The following SLC16A14 variants were observed in gnomAD, a reference collection of about 807,000 sequenced individuals.
SLC16A14 encodes the protein solute carrier family 16 member 14, also known as monocarboxylate transporter 14.
Under a neutral mutation model 35.8 loss-of-function variants are expected in SLC16A14, and 14 were observed. That is an observed-to-expected ratio of 0.39 (90% CI 0.26 to 0.61). The LOEUF is 0.61. Among genes scored for constraint, SLC16A14 ranks in the 20% least tolerant of loss-of-function variants. The pLI, the probability that SLC16A14 is intolerant of heterozygous loss-of-function variation, is 0.51. For missense variants in SLC16A14, 533 were observed against 655.0 expected, an observed-to-expected ratio of 0.81 and a Z score of 2.03; for synonymous variants, 248 against 258.9, an observed-to-expected ratio of 0.96 and a Z score of 0.40.
At chr2:230,066,802 T>A in intron 1 of SLC16A14, 1 of 282,682 alleles carries the variant, frequency 3.5e-6, no homozygotes, top group Non-Finnish European at 7.0e-6. Flanking sequence ...ATCTTTAGTA[T>A]CTTTAGTAGA....
At chr2:230,042,832 C>A (rs987608483) in intron 4 of SLC16A14, among the ~76,000 whole-genome samples, 2 of 152,240 alleles carry the variant, frequency 1.3e-5, no homozygotes, top group African/African-American at 4.8e-5. Flanking sequence ...TGGAATTTTG[C>A]TGGGACTGAG....
chr2:230,046,129 G>A lies in SLC16A14; in HGVS notation c.997C>T (p.Pro333Ser), dbSNP rs2077604350. ...ACGATTTCTGGGAGGTGAATGAAGGGGATGACAAAGCTGCTGTATGCAAAC... is the reference window on the plus strand; with the variant it reads ...ACGATTTCTGGGAGGTGAATGAAGGAGATGACAAAGCTGCTGTATGCAAAC... ...ALFAYSSFVI[P>S]FIHLPEIVNL... The change falls in exon 4 of 5, where the codon CCC becomes TCC. Residue 333 changes from proline to serine, a missense_variant. Coordinates refer to ENST00000295190, the MANE Select transcript of SLC16A14 (RefSeq NM_152527.5). This position sits in a 1 kb window ranked among gnomAD's most constrained non-coding sequence, Gnocchi z 5.0. 1 of 1,613,882 alleles carries A rather than the reference G, an allele frequency of 6.2e-7. No individual in the cohort carries two copies. Among genetic ancestry groups the A allele is most frequent in the Non-Finnish European group, 8.5e-7 (1 of 1,179,782 alleles).
intron 3 of SLC16A14, among the ~76,000 whole-genome samples, chr2:230,048,731 C>G (rs959204454): frequency 2.6e-5 from 4 of 151,926 alleles, no homozygotes; most frequent in African/African-American, 9.7e-5. Context: ...CGAGACCAGC[C>G]TGACCAACAT....
rs1402100181 is a variant in SLC16A14, at chr2:230,036,440, T to C, written c.*940A>G. On this transcript the variant is annotated 3_prime_UTR_variant, in exon 5 of 5. Coordinates refer to ENST00000295190, the MANE Select transcript of SLC16A14 (RefSeq NM_152527.5). The stretch of plus-strand genomic sequence containing the variant: ...TTATTATCCTCACAAATTGATAGTG[T>C]TATACTTTGGATTAGCAACATTCCT... 6.6e-6 allele frequency: 1 copy of C among 152,336 alleles called. No homozygotes were observed. The highest frequency in any genetic ancestry group is 1.9e-4 in the East Asian group (1 of 5,192). 9.4% of individuals were successfully genotyped at this position (152,336 alleles called of 1,614,324 possible). A position where few individuals can be genotyped will look rare whatever the true frequency, so the allele number is the denominator to read the frequency against.
chr2:230,041,148 G>A lies in SLC16A14; in HGVS notation c.1382-3617C>T, dbSNP rs147295402. Among the ~76,000 whole-genome samples the A allele has an allele frequency of 6.8e-3, 1,040 of 152,108 alleles. 5 individuals carry two copies. Among genetic ancestry groups the A allele is most frequent in the Non-Finnish European group, 0.011 (770 of 67,998 alleles). ...GTCAAATAAGTAATAGATGTTTTTC[G>A]TATTAATTAAATAAAGGCTCCCAGC... On this transcript the variant is annotated intron_variant, in intron 4 of 4. Transcript: ENST00000295190.
At chr2:230,057,997 C>G (rs1202857168) in intron 2 of SLC16A14, among the ~76,000 whole-genome samples, 5 of 150,964 alleles carry the variant, frequency 3.3e-5, no homozygotes. Context: ...CCACTGTGCT[C>G]CAGCCTGGGA....
intron 2 of SLC16A14, among the ~76,000 whole-genome samples, chr2:230,051,563 C>G (rs2077660050): frequency 6.6e-6 from 1 of 152,122 alleles, no homozygotes; most frequent in African/African-American, 2.4e-5. Flanking sequence ...ATCAATGATT[C>G]CTTGTTTAAA....
At chr2:230,053,143 A>T (rs892754761) in intron 2 of SLC16A14, among the ~76,000 whole-genome samples, 1 of 152,068 alleles carries the variant, frequency 6.6e-6, no homozygotes, top group Non-Finnish European at 1.5e-5. Context: ...GGGTTTCACC[A>T]TGTTGGCTAG....
intron 4 of SLC16A14, among the ~76,000 whole-genome samples, chr2:230,041,201 G>T (rs1389286118): frequency 1.3e-5 from 2 of 152,186 alleles, no homozygotes; most frequent in Admixed American, 6.5e-5. Flanking sequence ...GCAAATTATT[G>T]TTAAGGTGTT....
chr2:230,047,558 G>A (rs6722416), intron 3 of SLC16A14, among the ~76,000 whole-genome samples: 30,604 of 152,072 alleles, frequency 0.2, 3,520 homozygotes, highest in Non-Finnish European at 0.25. Flanking sequence ...ACCTGCTTTG[G>A]CCTCTCAAAG....
chr2:230,049,632 T>G, intron 3 of SLC16A14, 129 bp downstream of exon 3: 1 of 916,722 alleles, frequency 1.1e-6, no homozygotes, highest in Non-Finnish European at 1.7e-6. Context: ...AGGGAGGGGT[T>G]GGGGTGAAGT....
chr2:230,048,794 A>T (rs1489913425), intron 3 of SLC16A14, among the ~76,000 whole-genome samples: 1 of 151,732 alleles, frequency 6.6e-6, no homozygotes, highest in East Asian at 1.9e-4. Context: ...ATGGTGGTGC[A>T]TGCCTGTAAT....
In SLC16A14 at chr2:230,045,515, G is replaced by A. The variant is rs573561265; in HGVS notation, c.1381+230C>T. 49 of 491,138 alleles carry A rather than the reference G, an allele frequency of 1.0e-4. 1 individual carries two copies. The highest frequency in any genetic ancestry group is 9.9e-4 in the South Asian group (39 of 39,576). The allele number at this position is 491,138 out of a possible 1,614,324, so 30.4% of individuals were successfully genotyped here. On this transcript the variant is annotated intron_variant, in intron 4 of 4. Transcript: ENST00000295190. Reference sequence around the variant, plus strand: ...GTAGAGGTTGCAGTGAGCTGAGAGCGCACCACTGCACTCCAGCTGGGGCGA... The same window carrying A: ...GTAGAGGTTGCAGTGAGCTGAGAGCACACCACTGCACTCCAGCTGGGGCGA...
chr2:230,067,467 C>T (rs902745352), intron 1 of SLC16A14, among the ~76,000 whole-genome samples: 2 of 151,882 alleles, frequency 1.3e-5, no homozygotes, highest in African/African-American at 4.8e-5. Context: ...AAATCGGAAC[C>T]CAGGCCTGCA....
chr2:230,065,881 G>C (rs923555310), intron 1 of SLC16A14, among the ~76,000 whole-genome samples: 1 of 151,966 alleles, frequency 6.6e-6, no homozygotes, highest in Non-Finnish European at 1.5e-5. Context: ...GTACCCCTAG[G>C]CTCCATGTCT....
intron 4 of SLC16A14, among the ~76,000 whole-genome samples, chr2:230,042,142 T>C (rs1360603710): frequency 6.6e-6 from 1 of 152,258 alleles, no homozygotes; most frequent in Non-Finnish European, 1.5e-5. Context: ...TAGCAGCATA[T>C]GATACGCATC....
chr2:230,047,603 C>G (rs2077620581), intron 3 of SLC16A14, among the ~76,000 whole-genome samples: 1 of 152,164 alleles, frequency 6.6e-6, no homozygotes, highest in African/African-American at 2.4e-5. Flanking sequence ...CTGCTCCTGG[C>G]CAACATCTGA....
At position 230,038,044 on chromosome 2, in the gene SLC16A14, C is replaced by T. The variant is rs995793260; in HGVS notation, c.1382-513G>A. Among the ~76,000 whole-genome samples, 1 of 152,206 alleles carries T rather than the reference C, an allele frequency of 6.6e-6. No individual in the cohort carries two copies. The highest frequency in any genetic ancestry group is 2.4e-5 in the African/African-American group (1 of 41,456). ...TCATTCTGAAGTATTTGAGGGTACA[C>T]ATTTGTTCTAGAAAGAATCAAAATC... is the stretch of plus-strand genomic sequence containing the variant. On this transcript the variant is annotated intron_variant, in intron 4 of 4. Coordinates refer to ENST00000295190, the MANE Select transcript of SLC16A14 (RefSeq NM_152527.5). This position sits in a 1 kb window ranked among gnomAD's most constrained non-coding sequence, Gnocchi z 4.4.
rs796870433 is a variant in SLC16A14 at position 230,067,555 on chromosome 2, T to C, written c.-15+1000A>G. On this transcript the variant is annotated intron_variant, in intron 1 of 4. Coordinates refer to ENST00000295190, the MANE Select transcript of SLC16A14 (RefSeq NM_152527.5). ...TCTCTTCTCTCTCTCTCTCTCTCTC[T>C]CTCTCTCTCTCTCTCTCACACACAC... Among the ~76,000 whole-genome samples the C allele has an allele frequency of 4.5e-3, 281 of 61,856 alleles. 4 individuals are homozygous for C. Among genetic ancestry groups the C allele is most frequent in the East Asian group, 8.6e-3 (15 of 1,746 alleles). 40.6% of individuals were successfully genotyped at this position (61,856 alleles called of 152,430 possible). A position where few individuals can be genotyped will look rare whatever the true frequency, so the allele number is the denominator to read the frequency against.
Sources: allele counts gnomAD v4.1 joint callset (sites outside exome capture counted in the v4.1 genomes callset), GRCh38; gene constraint gnomAD v4.1.1; non-coding constraint Gnocchi (gnomAD v3.1); transcripts MANE v1.5; gene names NCBI Gene and HGNC (gene_info 2026-07-23, HGNC 2026-07-21).